The following ARHGEF37 variants were observed in gnomAD, a reference collection of about 807,000 sequenced individuals.
ARHGEF37 encodes Rho guanine nucleotide exchange factor (GEF) 37.
ARHGEF37 carries 55 observed loss-of-function variants against 71.1 expected under a neutral mutation model. That is an observed-to-expected ratio of 0.77 (90% confidence interval 0.62 to 0.97). ARHGEF37 has a LOEUF of 0.97. ARHGEF37 is among the 50% of genes least tolerant of loss of function. The pLI is 0.00. For synonymous variants in ARHGEF37, 327 were observed against 350.6 expected (o/e 0.93, Z 0.75); for missense variants, 765 against 836.8 (o/e 0.91, Z 1.06).
Position 149,601,576 on chromosome 5 carries a change from C to T in ARHGEF37, c.310+345C>T, listed in dbSNP as rs564805611. Among the ~76,000 whole-genome samples the T allele has an allele frequency of 5.9e-5, 9 of 152,292 alleles. No homozygotes were observed. The East Asian group carries it at 1.5e-3, about 26-fold the overall frequency. On this transcript the variant is annotated intron_variant, in intron 3 of 12. Coordinates refer to ENST00000333677, the MANE Select transcript of ARHGEF37 (RefSeq NM_001001669.3). Reference sequence around the variant, plus strand: ...CTGCAGTGTGCAGGCACAGCATCAACGAGAGAGTCTGAGCTTCTATTCTCA... The same window carrying T: ...CTGCAGTGTGCAGGCACAGCATCAATGAGAGAGTCTGAGCTTCTATTCTCA...
intron 9 of ARHGEF37, 120 bp downstream of exon 9, chr5:149,622,182 A>G (rs1324456650): frequency 4.0e-6 from 4 of 995,650 alleles, no homozygotes; most frequent in Admixed American, 5.7e-5. Flanking sequence ...ACAGGTCATC[A>G]GGCCCTTAGG....
At chr5:149,589,874 C>T (rs1304393018) in intron 1 of ARHGEF37, among the ~76,000 whole-genome samples, 1 of 151,892 alleles carries the variant, frequency 6.6e-6, no homozygotes, top group East Asian at 1.9e-4. Flanking sequence ...ACTGTGTTTC[C>T]CAGGCTGGTC....
At chr5:149,588,059 G>T (rs746796628) in intron 1 of ARHGEF37, among the ~76,000 whole-genome samples, 9 of 151,934 alleles carry the variant, frequency 5.9e-5, no homozygotes, top group African/African-American at 2.2e-4. Flanking sequence ...ACCACTCCTG[G>T]TTAATTTTTT....
rs1763287046 is a variant in ARHGEF37 at position 149,587,938 on chromosome 5, C to T, written c.-12+6314C>T. Among the ~76,000 whole-genome samples, 7 of 149,996 alleles carry T rather than the reference C, an allele frequency of 4.7e-5. No individual in the cohort carries two copies. In the South Asian group the frequency reaches 1.5e-3, roughly 32 times the overall value. The stretch of plus-strand genomic sequence containing the variant: ...TGGAGACAAAGTCTCACTCTGTCGC[C>T]CAGGCTGGAGTGCAGTGGCATGATC... On this transcript the variant is annotated intron_variant, in intron 1 of 12. Transcript: ENST00000333677.
intron 1 of ARHGEF37, among the ~76,000 whole-genome samples, chr5:149,563,314 G>A (rs552127295): frequency 6.6e-6 from 1 of 152,238 alleles, no homozygotes; most frequent in East Asian, 1.9e-4. Context: ...GTCAGACTCC[G>A]AACCTGATCT....
intron 1 of ARHGEF37, among the ~76,000 whole-genome samples, chr5:149,571,400 C>T (rs1316330214): frequency 1.3e-5 from 2 of 152,034 alleles, no homozygotes; most frequent in Non-Finnish European, 2.9e-5. Flanking sequence ...GGATTACATA[C>T]AAAAATAAAA....
At chr5:149,592,415 G>C (rs1763433098) in intron 1 of ARHGEF37, among the ~76,000 whole-genome samples, 1 of 152,140 alleles carries the variant, frequency 6.6e-6, no homozygotes. Flanking sequence ...TTAAAGATTG[G>C]CTTTTTTTCA....
In ARHGEF37 at chr5:149,620,434, A is replaced by G. The variant is rs1485036006; in HGVS notation, c.975A>G (p.Arg325=). The change falls in exon 8 of 13, where the codon AGA becomes AGG. Residue 325 remains arginine, a synonymous_variant. Coordinates refer to ENST00000333677, the MANE Select transcript of ARHGEF37 (RefSeq NM_001001669.3). The part of the protein sequence containing the change: ...GPAVQYCNLA[R]DLHLEAFLKF... ...CAGTGCAGTATTGCAATTTGGCAAG[A>G]GACCTTCACCTTGAGGCCTTCCTGA... 1 of 1,612,470 alleles carries G rather than the reference A, an allele frequency of 6.2e-7. No individual in the cohort carries two copies. The highest frequency in any genetic ancestry group is 1.3e-5 in the African/African-American group (1 of 74,956).
intron 7 of ARHGEF37, 78 bp downstream of exon 7, chr5:149,619,120 C>A: frequency 3.3e-6 from 4 of 1,230,676 alleles, no homozygotes; most frequent in Non-Finnish European, 4.8e-6. Context: ...GCCCAGCCTA[C>A]AAGCTGGGAA....
intron 1 of ARHGEF37, among the ~76,000 whole-genome samples, chr5:149,586,145 G>C (rs1211144641): frequency 2.0e-5 from 3 of 152,120 alleles, no homozygotes; most frequent in African/African-American, 7.2e-5. Context: ...ACAACAAATA[G>C]AATAAACAAA....
chr5:149,579,594 A>ATTG (rs1336842847), upstream of ARHGEF37, among the ~76,000 whole-genome samples: 2 of 151,062 alleles, frequency 1.3e-5, no homozygotes, highest in African/African-American at 4.8e-5. Flanking sequence ...TATTATTATT[A>ATTG]TTTTTGGGAC....
Position 149,627,286 on chromosome 5 carries a change from G to A in ARHGEF37, c.1660+15G>A, listed in dbSNP as rs200383084. On this transcript the variant is annotated intron_variant, in intron 11 of 12. Coordinates refer to ENST00000333677, the MANE Select transcript of ARHGEF37 (RefSeq NM_001001669.3). ...GGACACCGGGGGTACGTGAGCCTTT[G>A]GGAGCCCTTCTTCTCCTTCGGGGAA... 7.2e-5 allele frequency: 116 copies of A among 1,609,380 alleles called. No homozygotes were observed. In the African/African-American group the frequency reaches 1.3e-3, roughly 18 times the overall value.
chr5:149,590,289 T>A (rs1466646584), intron 1 of ARHGEF37, among the ~76,000 whole-genome samples: 4 of 151,554 alleles, frequency 2.6e-5, no homozygotes, highest in African/African-American at 9.7e-5. Flanking sequence ...CAACTTTTTT[T>A]TTTTTTTTTT....
chr5:149,592,442 C>T (rs1327388816), intron 1 of ARHGEF37, among the ~76,000 whole-genome samples: 4 of 152,210 alleles, frequency 2.6e-5, no homozygotes, highest in Admixed American at 2.0e-4. Flanking sequence ...ATCATGCCCT[C>T]GAGAGCCATC....
intron 3 of ARHGEF37, among the ~76,000 whole-genome samples, chr5:149,602,156 A>C (rs190179693): frequency 9.3e-5 from 14 of 151,244 alleles, no homozygotes; most frequent in African/African-American, 3.2e-4. Flanking sequence ...TCCTGGGTTC[A>C]AGCAATTCTC....
chr5:149,598,755 T>G (rs1034367633), intron 2 of ARHGEF37, among the ~76,000 whole-genome samples: 11 of 76,624 alleles, frequency 1.4e-4, no homozygotes, highest in African/African-American at 3.0e-4. Context: ...TATATCTATA[T>G]ATAGATATAG....
intron 12 of ARHGEF37, 54 bp from the exon 13 acceptor site, chr5:149,631,928 G>A: frequency 6.3e-7 from 1 of 1,583,578 alleles, no homozygotes; most frequent in Non-Finnish European, 8.6e-7. Flanking sequence ...TCTGGATCCA[G>A]TCTGTCTACC....
At chr5:149,552,252 A>G (rs1022646852) in intron 1 of ARHGEF37, 20 of 143,078 alleles carry the variant, frequency 1.4e-4, no homozygotes, top group African/African-American at 4.4e-4. Flanking sequence ...AAAGAATCGT[A>G]TGTTGGTCTT....
At position 149,597,833 on chromosome 5, in the gene ARHGEF37, G is replaced by A; in HGVS notation, c.64G>A (p.Ala22Thr). ...RSGSPDREGRASEDRSLLHQR... is the reference protein window; with the variant it reads ...RSGSPDREGRTSEDRSLLHQR... ...AGGGAGTCCGGACAGGGAAGGTAGGGCCTCTGAGGACAGATCGCTGCTTCA... is the reference window on the plus strand; with the variant it reads ...AGGGAGTCCGGACAGGGAAGGTAGGACCTCTGAGGACAGATCGCTGCTTCA... The change falls in exon 2 of 13, where the codon GCC becomes ACC. Residue 22 changes from alanine (A) to threonine (T), a missense_variant. By Grantham distance (58) the Ala-to-Thr change is moderately conservative. Around this residue, in one of 5 missense-constraint regions of ARHGEF37, gnomAD observed 201 missense variants for 217.5 expected, o/e 0.92. Coordinates refer to ENST00000333677, the MANE Select transcript of ARHGEF37 (RefSeq NM_001001669.3). The A allele has an allele frequency of 6.2e-7, 1 of 1,604,586 alleles. No homozygotes were observed. Among genetic ancestry groups the A allele is most frequent in the Non-Finnish European group, 8.5e-7 (1 of 1,176,102 alleles).
Sources: allele counts gnomAD v4.1 joint callset (sites outside exome capture counted in the v4.1 genomes callset), GRCh38; gene constraint gnomAD v4.1.1; regional missense constraint gnomAD v4.1.1; transcripts MANE v1.5; gene names NCBI Gene and HGNC (gene_info 2026-07-23, HGNC 2026-07-21).